The following EIF3L variants were observed in gnomAD, a reference collection of about 807,000 sequenced individuals.
EIF3L encodes the protein eIEF associated protein HSPC021.
Under a neutral mutation model 74.6 loss-of-function variants are expected in EIF3L, and 32 were observed. The ratio of observed to expected loss-of-function variants is 0.43; its 90% CI spans 0.32 to 0.58. The LOEUF is 0.58. EIF3L is among the 20% of genes least tolerant of loss of function. EIF3L has a pLI of 0.06. For synonymous variants in EIF3L, 256 were observed against 254.4 expected (o/e 1.01, Z -0.06); for missense variants, 474 against 707.8 (o/e 0.67, Z 3.75).
intron 7 of EIF3L, among the ~76,000 whole-genome samples, chr22:37,868,659 T>TTTTTTTTTTTTTTTTTTTTTTTTG (rs1926307359): frequency 8.7e-6 from 1 of 114,396 alleles, no homozygotes; most frequent in Non-Finnish European, 1.7e-5. Flanking sequence ...TTTTTTTTTT[T>TTTTTTTTTTTTTTTTTTTTTTTTG]GAGACGGAGT....
At chr22:37,880,875 T>G (rs918315474) in intron 11 of EIF3L, 1 of 152,266 alleles carries the variant, frequency 6.6e-6, no homozygotes, top group Admixed American at 6.5e-5. Flanking sequence ...TGGCTTCTTT[T>G]GCTCAACGTT....
At position 37,877,663 on chromosome 22, in the gene EIF3L, C is replaced by G. The variant is rs1374150914; in HGVS notation, c.1078-11C>G. The G allele has an allele frequency of 2.5e-6, 4 of 1,583,828 alleles. No homozygotes were observed. Among genetic ancestry groups the G allele is most frequent in the Non-Finnish European group, 2.6e-6 (3 of 1,164,234 alleles). On this transcript the variant is annotated splice_polypyrimidine_tract_variant and intron_variant, in intron 10 of 12. Transcript: ENST00000652021. ...CATTTGACCCAGTACCACTCTCCAC[C>G]CCATCCCCAGATTAACAAGCAGAAT...
At position 37,876,295 on chromosome 22, in the gene EIF3L, A is replaced by ATT. The variant is rs146250173; in HGVS notation, c.1077+310_1077+311dup. The ATT allele has an allele frequency of 2.3e-3, 255 of 110,436 alleles. 7 individuals carry two copies. Among genetic ancestry groups the ATT allele is most frequent in the Admixed American group, 5.3e-3 (44 of 8,332 alleles). 6.8% of individuals were successfully genotyped at this position (110,436 alleles called of 1,614,324 possible). A position where few individuals can be genotyped will look rare whatever the true frequency, so the allele number is the denominator to read the frequency against. On this transcript the variant is annotated intron_variant, in intron 10 of 12. Coordinates refer to ENST00000652021, the MANE Select transcript of EIF3L (RefSeq NM_016091.4). ...AAGGCGCACACAACAACACCGGCTA[A>ATT]TTTTTTTTTTTTTTTTTTTTTTTTT...
At chr22:37,859,370 G>GTTTTTT (rs1437551077) in intron 5 of EIF3L, among the ~76,000 whole-genome samples, 1 of 72,776 alleles carries the variant, frequency 1.4e-5, no homozygotes, top group Non-Finnish European at 2.4e-5. Context: ...AGTACGTGAA[G>GTTTTTT]TTTCTTTTTT....
At position 37,875,707 on chromosome 22, in the gene EIF3L, C is replaced by G. The variant is rs145995677; in HGVS notation, c.907-134C>G. 9.2e-4 allele frequency: 694 copies of G among 755,438 alleles called. 3 individuals are homozygous for G. The African/African-American group carries it at 0.011, about 12-fold the overall frequency. The allele number at this position is 755,438 out of a possible 1,614,324, so 46.8% of individuals were successfully genotyped here. The stretch of plus-strand genomic sequence containing the variant: ...TAATTGATGAATAGGAAGATCCGCT[C>G]TCAAACTCTGGGACTCCAGAGCTTC... On this transcript the variant is annotated intron_variant, in intron 9 of 12. Transcript: ENST00000652021.
chr22:37,886,732 G>A, intron 11 of EIF3L, 33 bp from the exon 12 acceptor site: 1 of 1,595,794 alleles, frequency 6.3e-7, no homozygotes, highest in Non-Finnish European at 8.6e-7. Context: ...CCTCCACCTG[G>A]CTGCTCTTCC....
chr22:37,858,792 G>C (rs1331774244), intron 5 of EIF3L, 52 bp downstream of exon 5: 2 of 1,506,490 alleles, frequency 1.3e-6, no homozygotes, highest in Admixed American at 1.9e-5. Context: ...TTTTAACTCT[G>C]TGCTGTTTTT....
chr22:37,851,834 T>A lies in EIF3L; in HGVS notation c.293+344T>A, dbSNP rs898613039. On this transcript the variant is annotated intron_variant, in intron 3 of 12. Transcript: ENST00000652021. ...GCATGTGCCACCATGCCTAGTTAAT[T>A]TTTTTGTATTTTTAGTAGAGACAGA... 1.6e-3 allele frequency among the ~76,000 whole-genome samples: 250 copies of A among 152,170 alleles called. 1 individual carries two copies. Among genetic ancestry groups the A allele is most frequent in the Non-Finnish European group, 2.5e-3 (170 of 67,992 alleles).
intron 7 of EIF3L, among the ~76,000 whole-genome samples, chr22:37,867,726 A>G (rs61678602): frequency 0.07 from 10,485 of 150,456 alleles, 1,240 homozygotes; most frequent in African/African-American, 0.24. Context: ...AGGCCGAGGC[A>G]GGCGGATCAT....
At chr22:37,861,001 T>A (rs1050779325) in intron 5 of EIF3L, among the ~76,000 whole-genome samples, 5 of 152,190 alleles carry the variant, frequency 3.3e-5, no homozygotes, top group African/African-American at 1.2e-4. Flanking sequence ...CACTTATCTC[T>A]TGTACGTTGT....
chr22:37,875,011 G>T (rs1221719374), intron 9 of EIF3L, among the ~76,000 whole-genome samples: 1 of 149,076 alleles, frequency 6.7e-6, no homozygotes. Flanking sequence ...CCAAAATGCT[G>T]GGATTACAGG....
chr22:37,850,651 TC>T (rs1192004148), intron 2 of EIF3L: 2 of 161,558 alleles, frequency 1.2e-5, no homozygotes, highest in African/African-American at 2.4e-5. Context: ...AGGAAGAAAA[TC>T]TTGATGTGAA....
At chr22:37,874,699 G>A (rs1332183273) in intron 9 of EIF3L, among the ~76,000 whole-genome samples, 175 bp downstream of exon 9, 1 of 152,080 alleles carries the variant, frequency 6.6e-6, no homozygotes, top group Admixed American at 6.6e-5. Context: ...AGACCTGGAC[G>A]ATTTTGGTAG....
rs149487113 is a variant in EIF3L, at chr22:37,863,539, T to G, written c.579+194T>G. 2.8e-3 allele frequency among the ~76,000 whole-genome samples: 425 copies of G among 152,290 alleles called. 1 individual carries two copies. Among genetic ancestry groups the G allele is most frequent in the African/African-American group, 9.8e-3 (406 of 41,570 alleles). On this transcript the variant is annotated intron_variant, in intron 7 of 12. Transcript: ENST00000652021. ...AGCCTAAGCACTCCAGATAGGAAGC[T>G]GGAAGTCGGATAAGTTCAGCTCCTG...
intron 3 of EIF3L, among the ~76,000 whole-genome samples, chr22:37,854,912 A>G (rs113426641): frequency 9.3e-4 from 141 of 152,196 alleles, no homozygotes; most frequent in African/African-American, 3.2e-3. Flanking sequence ...AAGTGTTGAG[A>G]TTACAGGCGT....
At chr22:37,860,309 TC>T (rs1925789194) in intron 5 of EIF3L, among the ~76,000 whole-genome samples, 1 of 152,216 alleles carries the variant, frequency 6.6e-6, no homozygotes, top group Admixed American at 6.5e-5. Context: ...ATCCAGCAAA[TC>T]CTGTTAAGCT....
chr22:37,860,620 G>T (rs948593332), intron 5 of EIF3L, among the ~76,000 whole-genome samples: 3 of 152,284 alleles, frequency 2.0e-5, no homozygotes, highest in African/African-American at 4.8e-5. Flanking sequence ...TAATCCGCCC[G>T]CCTCGGCTTC....
At chr22:37,859,573 G>T (rs1925741393) in intron 5 of EIF3L, among the ~76,000 whole-genome samples, 1 of 151,068 alleles carries the variant, frequency 6.6e-6, no homozygotes, top group African/African-American at 2.4e-5. Context: ...TAGTAGAGAC[G>T]GGGTTTCACT....
intron 10 of EIF3L, chr22:37,877,185 C>T (rs1926797567): frequency 1.2e-5 from 2 of 162,432 alleles, no homozygotes; most frequent in Non-Finnish European, 1.4e-5. Flanking sequence ...TACTGAATAC[C>T]ATAGGCAGTT....
Sources: allele counts gnomAD v4.1 joint callset (sites outside exome capture counted in the v4.1 genomes callset), GRCh38; gene constraint gnomAD v4.1.1; transcripts MANE v1.5; gene names NCBI Gene and HGNC (gene_info 2026-07-23, HGNC 2026-07-21).